The following SLCO1A2 variants were observed in gnomAD, a reference collection of about 807,000 sequenced individuals.
The protein encoded by SLCO1A2 is solute carrier organic anion transporter family member 1A2, also known as OATP-1.
Under a neutral mutation model 69.0 loss-of-function variants are expected in SLCO1A2, and 67 were observed. The observed-to-expected ratio is 0.97, with a 90% CI of 0.80 to 1.19. The LOEUF is 1.19. SLCO1A2 is among the 50% of genes most tolerant of loss of function. SLCO1A2 has a pLI of 0.00. For synonymous variants in SLCO1A2, 260 were observed against 265.9 expected, an observed-to-expected ratio of 0.98 and a Z score of 0.22; for missense variants, 787 against 793.7, an observed-to-expected ratio of 0.99 and a Z score of 0.10.
chr12:21,285,146 T>C (rs1945515706), intron 12 of SLCO1A2, among the ~76,000 whole-genome samples: 2 of 143,516 alleles, frequency 1.4e-5, no homozygotes, highest in South Asian at 4.6e-4. Flanking sequence ...AAGAATCAAA[T>C]AGACACAATA....
intron 2 of SLCO1A2, among the ~76,000 whole-genome samples, chr12:21,328,751 G>C (rs928557044): frequency 6.6e-6 from 1 of 151,396 alleles, no homozygotes; most frequent in Non-Finnish European, 1.5e-5. Flanking sequence ...CCCCCACCCA[G>C]TTTCCCCTGA....
At position 21,407,760 on chromosome 12, in the gene SLCO1A2, T is replaced by C. The variant is rs1011358407; in HGVS notation, c.-312+10122A>G. ...AAGTCAAGACTGCAGTGAGCCAAGA[T>C]TGTGCTACTGTACCCCAACCTGGGT... is the stretch of plus-strand genomic sequence containing the variant. On this transcript the variant is annotated intron_variant, in intron 1 of 4. Transcript: ENST00000413682. 7.2e-5 allele frequency among the ~76,000 whole-genome samples: 11 copies of C among 151,742 alleles called. No individual in the cohort carries two copies. The East Asian group carries it at 1.4e-3, about 19-fold the overall frequency.
At chr12:21,313,853 C>T (rs1337756020) in intron 4 of SLCO1A2, among the ~76,000 whole-genome samples, 1 of 151,876 alleles carries the variant, frequency 6.6e-6, no homozygotes, top group Admixed American at 6.6e-5. Flanking sequence ...GTCCCAGCTA[C>T]TCAGGAGGCT....
chr12:21,278,059 G>A (rs560776114), intron 12 of SLCO1A2, among the ~76,000 whole-genome samples: 35 of 151,344 alleles, frequency 2.3e-4, no homozygotes, highest in African/African-American at 7.5e-4. Flanking sequence ...CACACAGGCT[G>A]GCTAAAGAAC....
At chr12:21,307,122 G>T (rs1949514177) in intron 4 of SLCO1A2, 134 bp from the exon 5 acceptor site, 1 of 548,800 alleles carries the variant, frequency 1.8e-6, no homozygotes, top group Non-Finnish European at 3.1e-6. Flanking sequence ...TTCATCCTTG[G>T]CATCCAAGTT....
upstream of SLCO1A2, among the ~76,000 whole-genome samples, chr12:21,337,019 A>C (rs1425093723): frequency 2.6e-5 from 4 of 152,068 alleles, no homozygotes; most frequent in African/African-American, 9.7e-5. Context: ...GATTTCTTCC[A>C]TGCCTGCTGG....
At chr12:21,308,466 T>C (rs11836396) in intron 4 of SLCO1A2, among the ~76,000 whole-genome samples, 10,781 of 152,016 alleles carry the variant, frequency 0.071, 1,225 homozygotes, top group African/African-American at 0.24. Flanking sequence ...ACAATAAGAG[T>C]GCAAACATTT....
intron 12 of SLCO1A2, among the ~76,000 whole-genome samples, chr12:21,277,911 C>A (rs971554510): frequency 6.6e-6 from 1 of 152,110 alleles, no homozygotes; most frequent in Non-Finnish European, 1.5e-5. Flanking sequence ...GGGTAGGGAC[C>A]CCAGGGGTAG....
chr12:21,400,915 A>G lies in SLCO1A2; in HGVS notation c.-312+16967T>C, dbSNP rs1312853529. ...GGGGGGAGGGATAGCATCGGGAGAT[A>G]TACCTAATGCTAGATGACAAGTTAG... is the stretch of plus-strand genomic sequence containing the variant. On this transcript the variant is annotated intron_variant, in intron 1 of 4. Transcript: ENST00000413682. 2.7e-5 allele frequency among the ~76,000 whole-genome samples: 4 copies of G among 148,780 alleles called. No homozygotes were observed. In the East Asian group the frequency reaches 5.9e-4, roughly 22 times the overall value.
chr12:21,302,104 G>A (rs1207637022), intron 6 of SLCO1A2, among the ~76,000 whole-genome samples: 1 of 152,004 alleles, frequency 6.6e-6, no homozygotes, highest in Non-Finnish European at 1.5e-5. Context: ...TCTTGTGCGC[G>A]TTCAATTTCC....
chr12:21,385,897 C>A (rs923267253), intron 1 of SLCO1A2, among the ~76,000 whole-genome samples: 5 of 152,170 alleles, frequency 3.3e-5, no homozygotes, highest in African/African-American at 1.2e-4. Flanking sequence ...TTTTCCAGAA[C>A]CCCTCCTGCA....
intron 1 of SLCO1A2, among the ~76,000 whole-genome samples, chr12:21,382,209 A>G (rs549809736): frequency 3.4e-4 from 52 of 152,342 alleles, no homozygotes; most frequent in Non-Finnish European, 6.3e-4. Flanking sequence ...CCATTATTCT[A>G]AGCGAAGTAA....
At chr12:21,271,087 T>TTTAAC (rs149918015) in intron 14 of SLCO1A2, among the ~76,000 whole-genome samples, 1,604 of 151,952 alleles carry the variant, frequency 0.011, 15 homozygotes, top group Non-Finnish European at 0.018. Context: ...TATAACCACA[T>TTTAAC]TTAACTTAAC....
At chr12:21,363,350 G>A (rs188151136) in intron 2 of SLCO1A2, among the ~76,000 whole-genome samples, 1 of 152,240 alleles carries the variant, frequency 6.6e-6, no homozygotes, top group Admixed American at 6.5e-5. Flanking sequence ...AAACGAATGA[G>A]AACAAAGACA....
chr12:21,272,856 C>CTAAT (rs1184100361), intron 14 of SLCO1A2, among the ~76,000 whole-genome samples: 1 of 152,080 alleles, frequency 6.6e-6, no homozygotes, highest in African/African-American at 2.4e-5. Flanking sequence ...TGGAATAAAT[C>CTAAT]TAATTAATCA....
At chr12:21,362,624 G>A (rs1489220494) in intron 2 of SLCO1A2, among the ~76,000 whole-genome samples, 1 of 152,134 alleles carries the variant, frequency 6.6e-6, no homozygotes, top group African/African-American at 2.4e-5. Flanking sequence ...AAAGAGTCAA[G>A]ACGCATCAGT....
At chr12:21,326,471 G>A (rs1013710882) in intron 2 of SLCO1A2, among the ~76,000 whole-genome samples, 7 of 152,186 alleles carry the variant, frequency 4.6e-5, no homozygotes, top group South Asian at 2.1e-4. Context: ...TGAAGGGCTC[G>A]GAAGACAGGA....
chr12:21,354,412 C>A lies in SLCO1A2; in HGVS notation c.-62-19703G>T, dbSNP rs564335391. 6.6e-5 allele frequency among the ~76,000 whole-genome samples: 10 copies of A among 152,098 alleles called. 1 individual carries two copies. The East Asian group carries it at 1.7e-3, about 26-fold the overall frequency. On this transcript the variant is annotated intron_variant, in intron 2 of 15. Coordinates refer to the SLCO1A2 transcript ENST00000307378. The stretch of plus-strand genomic sequence containing the variant: ...TGATGAAACTTCTTAAATTAGGTGA[C>A]AATAAGTAAAGCCAGATAAAGATAG...
chr12:21,283,503 G>A (rs1159929551), intron 12 of SLCO1A2, among the ~76,000 whole-genome samples: 1 of 151,956 alleles, frequency 6.6e-6, no homozygotes, highest in African/African-American at 2.4e-5. Context: ...CAGGACATTG[G>A]ACTGAACAAA....
Sources: allele counts gnomAD v4.1 joint callset (sites outside exome capture counted in the v4.1 genomes callset), GRCh38; gene constraint gnomAD v4.1.1; transcripts MANE v1.5; gene names NCBI Gene and HGNC (gene_info 2026-07-23, HGNC 2026-07-21).